The following VPS13B variants were observed in gnomAD, a reference collection of about 807,000 sequenced individuals.
The protein encoded by VPS13B is vacuolar protein sorting 13 homolog B.
Under a neutral mutation model 426.4 loss-of-function variants are expected in VPS13B, and 285 were observed. That is an observed-to-expected ratio of 0.67 (90% confidence interval 0.61 to 0.74). VPS13B has a LOEUF of 0.74. VPS13B is among the 30% of genes least tolerant of loss of function. VPS13B has a pLI of 0.00. For synonymous variants in VPS13B, 1,676 were observed against 1,676.4 expected (o/e 1.00, Z 0.01); for missense variants, 4,537 against 4,782.6 (o/e 0.95, Z 1.51).
At chr8:99,770,344 G>A (rs1811420490) in intron 40 of VPS13B, among the ~76,000 whole-genome samples, 1 of 141,936 alleles carries the variant, frequency 7.0e-6, no homozygotes, top group South Asian at 2.2e-4. Flanking sequence ...ACCCTCTGGA[G>A]CCCTGGTCAT....
At chr8:99,208,181 T>C (rs10091793) in intron 17 of VPS13B, among the ~76,000 whole-genome samples, 125,636 of 152,070 alleles carry the variant, frequency 0.83, 52,417 homozygotes, top group South Asian at 0.89. Context: ...GGAGGTGTCA[T>C]GCACTTTAAA....
intron 17 of VPS13B, among the ~76,000 whole-genome samples, chr8:99,266,586 C>G (rs1198215618): frequency 6.6e-6 from 1 of 152,008 alleles, no homozygotes; most frequent in East Asian, 1.9e-4. Flanking sequence ...CGGGAGATAC[C>G]TGGTGGGAGG....
chr8:99,548,746 TA>T (rs1364371199), intron 30 of VPS13B, among the ~76,000 whole-genome samples: 2 of 152,002 alleles, frequency 1.3e-5, no homozygotes, highest in Non-Finnish European at 1.5e-5. Flanking sequence ...AAAATCCTCC[TA>T]TTTTTTGGAA....
intron 43 of VPS13B, among the ~76,000 whole-genome samples, chr8:99,800,417 T>C (rs1813064320): frequency 6.6e-6 from 1 of 152,186 alleles, no homozygotes; most frequent in Non-Finnish European, 1.5e-5. Context: ...AAATGACCTA[T>C]TTAAAACAAG....
intron 16 of VPS13B, among the ~76,000 whole-genome samples, chr8:99,189,135 G>T (rs1813400283): frequency 6.6e-6 from 1 of 152,034 alleles, no homozygotes; most frequent in Non-Finnish European, 1.5e-5. Flanking sequence ...ATTTTTAGTA[G>T]AGAGGGGGTT....
intron 19 of VPS13B, among the ~76,000 whole-genome samples, chr8:99,309,902 G>A (rs182275995): frequency 6.0e-4 from 92 of 152,188 alleles, no homozygotes; most frequent in Admixed American, 1.5e-3. Context: ...CTTCACATCC[G>A]TTGTAAGATG....
chr8:99,265,195 T>C (rs989692834), intron 17 of VPS13B, among the ~76,000 whole-genome samples: 2 of 152,226 alleles, frequency 1.3e-5, no homozygotes, highest in Non-Finnish European at 2.9e-5. Flanking sequence ...AAATAATATC[T>C]GCCTGTCACA....
At position 99,871,654 on chromosome 8, in the gene VPS13B, TCA is replaced by T. The variant is rs765652359; in HGVS notation, c.11705_11706del (p.Thr3902SerfsTer11). The T allele has an allele frequency of 1.9e-6, 3 of 1,614,050 alleles. No individual in the cohort carries two copies. Among genetic ancestry groups the T allele is most frequent in the Non-Finnish European group, 2.5e-6 (3 of 1,180,030 alleles). ...CAGGACAGCAAGCAGAACAACTTAC[TCA>T]CAGTGCAGCTCAAGCAGCCAAGAGT... On this transcript the variant is annotated frameshift_variant, in exon 61 of 62. Coordinates refer to ENST00000357162, the MANE Select transcript of VPS13B (RefSeq NM_152564.5). LOFTEE classifies it high-confidence loss of function.
intron 3 of VPS13B, among the ~76,000 whole-genome samples, chr8:99,057,173 C>T (rs1843920714): frequency 6.6e-6 from 1 of 151,772 alleles, no homozygotes; most frequent in Admixed American, 6.6e-5. Flanking sequence ...ACAATAATAT[C>T]ACCCACAAAA....
intron 7 of VPS13B, 75 bp downstream of exon 7, chr8:99,115,949 A>G: frequency 1.4e-6 from 2 of 1,470,722 alleles, no homozygotes; most frequent in Non-Finnish European, 1.9e-6. Flanking sequence ...AAACTTTAAA[A>G]AATGTATTAG....
chr8:99,483,649 TGAAAG>T (rs950647571), intron 25 of VPS13B, among the ~76,000 whole-genome samples: 14 of 152,302 alleles, frequency 9.2e-5, no homozygotes, highest in African/African-American at 2.2e-4. Flanking sequence ...TTTTAGTGGC[TGAAAG>T]GAGAGTGTTC....
chr8:99,672,621 G>C (rs1046538466), intron 35 of VPS13B, among the ~76,000 whole-genome samples: 3 of 151,876 alleles, frequency 2.0e-5, no homozygotes, highest in African/African-American at 4.8e-5. Context: ...TTTCCTATTT[G>C]GATTCCTTTT....
chr8:99,412,247 G>A (rs1196808237), intron 21 of VPS13B, among the ~76,000 whole-genome samples: 2 of 152,082 alleles, frequency 1.3e-5, no homozygotes, highest in Non-Finnish European at 2.9e-5. Context: ...TTATTTCGTT[G>A]AGCAGTGGTT....
intron 7 of VPS13B, among the ~76,000 whole-genome samples, chr8:99,117,728 T>C (rs1847741662): frequency 6.6e-6 from 1 of 152,190 alleles, no homozygotes; most frequent in African/African-American, 2.4e-5. Context: ...ATTAGAAATG[T>C]TCATAATAGG....
rs796919366 is a variant in VPS13B, at chr8:99,087,615, G to GTTTTTTTT, written c.292-8689_292-8682dup. On this transcript the variant is annotated intron_variant, in intron 3 of 61. Coordinates refer to ENST00000357162, the MANE Select transcript of VPS13B (RefSeq NM_152564.5). ...TCTTGGCTCCACCCACTGTTTTTTT[G>GTTTTTTTT]TTTTTTTTTTTTTTTATAGACTGGG... is the stretch of plus-strand genomic sequence containing the variant. 2.3e-5 allele frequency among the ~76,000 whole-genome samples: 3 copies of GTTTTTTTT among 129,210 alleles called. 1 individual carries two copies. Among genetic ancestry groups the GTTTTTTTT allele is most frequent in the African/African-American group, 5.7e-5 (2 of 35,304 alleles). The allele number at this position is 129,210 out of a possible 152,430, so 84.8% of individuals were successfully genotyped here.
chr8:99,860,433 C>T (rs1054165871), intron 57 of VPS13B, among the ~76,000 whole-genome samples: 5 of 152,218 alleles, frequency 3.3e-5, no homozygotes, highest in African/African-American at 1.2e-4. Flanking sequence ...TCACTCTTGA[C>T]ACTGGAATCT....
chr8:99,201,263 A>T (rs1049606973), intron 17 of VPS13B, among the ~76,000 whole-genome samples: 1 of 152,122 alleles, frequency 6.6e-6, no homozygotes, highest in Non-Finnish European at 1.5e-5. Context: ...AAATGCATGT[A>T]TATAATTGAG....
intron 5 of VPS13B, among the ~76,000 whole-genome samples, chr8:99,108,948 A>G (rs1249989871): frequency 6.6e-6 from 1 of 152,092 alleles, no homozygotes. Flanking sequence ...TAGTTCTTTA[A>G]ATGTTTGGTA....
intron 36 of VPS13B, among the ~76,000 whole-genome samples, chr8:99,706,984 C>T (rs1007203704): frequency 3.9e-5 from 6 of 152,114 alleles, no homozygotes; most frequent in African/African-American, 1.4e-4. Flanking sequence ...CAAAGCAACC[C>T]TGAGTGATGA....
Sources: gnomAD v4.1 joint callset for allele counts (sites outside exome capture counted in the v4.1 genomes callset) on GRCh38, gnomAD v4.1.1 for gene constraint, MANE v1.5 for transcripts, NCBI Gene and HGNC (gene_info 2026-07-23, HGNC 2026-07-21) for gene names.